Variants in TTC7B observed in about 807,000 individuals in gnomAD.
TTC7B encodes tetratricopeptide repeat protein 7B.
TTC7B carries 28 observed loss-of-function variants against 106.8 expected under a neutral mutation model. The ratio of observed to expected loss-of-function variants is 0.26; its 90% CI spans 0.19 to 0.36. The LOEUF (loss-of-function observed/expected upper bound fraction) is 0.36. TTC7B is among the 10% of genes least tolerant of loss of function. The probability of loss-of-function intolerance (pLI) is 1.00; values close to 1 mark genes in which losing one functional copy is unlikely to be tolerated. For missense variants in TTC7B, 862 were observed against 1,076.4 expected (o/e 0.80, Z 2.79); for synonymous variants, 405 against 430.6 (o/e 0.94, Z 0.74).
At chr14:90,647,299 G>A (rs926717829) in intron 13 of TTC7B, 3 of 383,628 alleles carry the variant, frequency 7.8e-6, no homozygotes, top group Admixed American at 7.2e-5. Context: ...GGAGGGCCTC[G>A]AGGTGAAGAA....
At chr14:90,775,655 A>T (rs1229871267) in intron 3 of TTC7B, among the ~76,000 whole-genome samples, 2 of 151,940 alleles carry the variant, frequency 1.3e-5, no homozygotes, top group Non-Finnish European at 2.9e-5. Flanking sequence ...TGACGGAAAA[A>T]TTTCCTGCCA....
chr14:90,732,722 G>A (rs567729064), intron 4 of TTC7B, among the ~76,000 whole-genome samples: 40 of 152,098 alleles, frequency 2.6e-4, no homozygotes, highest in Admixed American at 2.5e-3. Flanking sequence ...GAGCCACTGC[G>A]CCCGGCTCCT....
At chr14:90,688,084 C>T (rs1207802669) in intron 7 of TTC7B, among the ~76,000 whole-genome samples, 1 of 152,230 alleles carries the variant, frequency 6.6e-6, no homozygotes, top group East Asian at 1.9e-4. Flanking sequence ...ACCTCATCCT[C>T]TCAGCTGTTT....
At chr14:90,595,177 C>CA (rs1377433543) in intron 17 of TTC7B, among the ~76,000 whole-genome samples, 3 of 151,650 alleles carry the variant, frequency 2.0e-5, no homozygotes, top group Non-Finnish European at 4.4e-5. Flanking sequence ...ACTAAAAATA[C>CA]AAAAAATTAG....
intron 19 of TTC7B, among the ~76,000 whole-genome samples, chr14:90,560,122 C>T (rs905297267): frequency 6.6e-5 from 10 of 152,236 alleles, no homozygotes; most frequent in African/African-American, 2.4e-4. Context: ...GACTCTGCTC[C>T]CGTCTCCTGT....
intron 8 of TTC7B, among the ~76,000 whole-genome samples, chr14:90,679,647 A>G (rs1595274759): frequency 1.3e-5 from 2 of 152,284 alleles, no homozygotes; most frequent in South Asian, 4.1e-4. Context: ...GCGAGCCCTC[A>G]AGATCTTTTG....
chr14:90,801,529 G>A (rs1334132284), intron 1 of TTC7B, among the ~76,000 whole-genome samples: 2 of 152,134 alleles, frequency 1.3e-5, no homozygotes, highest in Admixed American at 6.5e-5. Context: ...ACAATGGAGC[G>A]GAGAGTGGAG....
chr14:90,751,782 CT>C, intron 3 of TTC7B, among the ~76,000 whole-genome samples: 1 of 152,068 alleles, frequency 6.6e-6, no homozygotes, highest in Admixed American at 6.6e-5. Flanking sequence ...ATTACACTTG[CT>C]TTCAAACCCC....
At chr14:90,740,744 C>T (rs1041406426) in intron 4 of TTC7B, among the ~76,000 whole-genome samples, 12 of 151,986 alleles carry the variant, frequency 7.9e-5, no homozygotes, top group Admixed American at 2.6e-4. Flanking sequence ...TCAGGTGATC[C>T]GCCCACCTCA....
At chr14:90,667,772 T>G (rs929440716) in intron 9 of TTC7B, among the ~76,000 whole-genome samples, 3 of 152,230 alleles carry the variant, frequency 2.0e-5, no homozygotes, top group African/African-American at 7.2e-5. Context: ...ATATGACAAC[T>G]GTCTTCAAAA....
rs142675913 is a variant in TTC7B at position 90,704,169 on chromosome 14, C to T, written c.699-8591G>A. On this transcript the variant is annotated intron_variant, in intron 5 of 19. Transcript: ENST00000328459. ...GCTTCTGACTCCATGCTCAAAAACA[C>T]GTGAATCCTCCGCCTTTCCCCAACC... 4.6e-5 allele frequency among the ~76,000 whole-genome samples: 7 copies of T among 152,344 alleles called. No individual in the cohort carries two copies. The East Asian group carries it at 5.8e-4, about 13-fold the overall frequency.
chr14:90,655,509 C>G (rs1000232968), intron 11 of TTC7B, among the ~76,000 whole-genome samples: 2 of 152,240 alleles, frequency 1.3e-5, no homozygotes, highest in South Asian at 2.1e-4. Context: ...TTCTTTCCCC[C>G]CCTACCCAGG....
intron 6 of TTC7B, among the ~76,000 whole-genome samples, chr14:90,692,899 TTGG>T (rs918237152): frequency 1.3e-5 from 2 of 152,128 alleles, no homozygotes; most frequent in African/African-American, 4.8e-5. Flanking sequence ...AACTGAGCTC[TTGG>T]TGGTGGTGAT....
At position 90,676,768 on chromosome 14, in the gene TTC7B, A is replaced by C. The variant is rs559452746; in HGVS notation, c.1015-108T>G. The C allele has an allele frequency of 1.1e-5, 14 of 1,255,352 alleles. No individual in the cohort carries two copies. In the African/African-American group the frequency reaches 1.9e-4, roughly 17 times the overall value. The allele number at this position is 1,255,352 out of a possible 1,614,324, so 77.8% of individuals were successfully genotyped here. A position where few individuals can be genotyped will look rare whatever the true frequency, so the allele number is the denominator to read the frequency against. ...CTACCAATTTGCGAAGGGAATGGAG[A>C]CAAGGGTAGGAATGAGCAGAGGCCT... is the stretch of plus-strand genomic sequence containing the variant. On this transcript the variant is annotated intron_variant, in intron 8 of 19. Transcript: ENST00000328459.
Position 90,541,340 on chromosome 14 carries a change from G to A in TTC7B, c.*28C>T, listed in dbSNP as rs1239161754. 4 of 1,572,378 alleles carry A rather than the reference G, an allele frequency of 2.5e-6. No individual in the cohort carries two copies. Among genetic ancestry groups the A allele is most frequent in the Non-Finnish European group, 3.5e-6 (4 of 1,155,708 alleles). ...GCCCGGCAGGGCCTCTGAGGCCTGA[G>A]CGGCAGGTGAGGCTGGCAGGCGCCT... On this transcript the variant is annotated 3_prime_UTR_variant, in exon 20 of 20. Transcript: ENST00000328459.
chr14:90,798,732 A>AAAAAAAAAG (rs869302614), intron 1 of TTC7B, among the ~76,000 whole-genome samples: 3 of 147,006 alleles, frequency 2.0e-5, no homozygotes, highest in Non-Finnish European at 1.5e-5. Context: ...AAAAAAAAAA[A>AAAAAAAAAG]CACGCAATAA....
intron 11 of TTC7B, among the ~76,000 whole-genome samples, chr14:90,656,356 G>T (rs1383346301): frequency 1.3e-5 from 2 of 152,188 alleles, no homozygotes; most frequent in African/African-American, 4.8e-5. Flanking sequence ...CCTATCGTAT[G>T]TGGCAATTAT....
At chr14:90,580,150 T>A (rs1165020008) in intron 18 of TTC7B, among the ~76,000 whole-genome samples, 2 of 152,220 alleles carry the variant, frequency 1.3e-5, no homozygotes, top group Non-Finnish European at 2.9e-5. Context: ...AGGGCAGGGA[T>A]GGTGTCTGTG....
At chr14:90,795,668 C>T (rs56383010) in intron 1 of TTC7B, among the ~76,000 whole-genome samples, 6,483 of 152,234 alleles carry the variant, frequency 0.043, 192 homozygotes, top group Non-Finnish European at 0.058. Flanking sequence ...ATGTAACGCA[C>T]ATAGTCTGAA....
Sources: allele counts gnomAD v4.1 joint callset (sites outside exome capture counted in the v4.1 genomes callset), GRCh38; gene constraint gnomAD v4.1.1; transcripts MANE v1.5; gene names NCBI Gene and HGNC (gene_info 2026-07-23, HGNC 2026-07-21).